The following TM6SF1 variants were observed in gnomAD, a reference collection of about 807,000 sequenced individuals.
The protein encoded by TM6SF1 is transmembrane 6 superfamily member 1.
A neutral mutation model predicts 47.1 loss-of-function variants in TM6SF1; 43 were observed. That is an observed-to-expected ratio of 0.91 (90% CI 0.72 to 1.18). The LOEUF (loss-of-function observed/expected upper bound fraction) is 1.18, where lower values mean the gene tolerates loss of function less well. Among genes scored for constraint, TM6SF1 ranks in the 50% most tolerant of loss-of-function variants. The pLI, the probability that TM6SF1 is intolerant of heterozygous loss-of-function variation, is 0.00. For synonymous variants in TM6SF1, 177 were observed against 166.3 expected (o/e 1.06, Z -0.49); for missense variants, 390 against 449.0 (o/e 0.87, Z 1.19).
At chr15:83,112,759 T>C (rs748296919) in intron 1 of TM6SF1, 38 bp from the exon 2 acceptor site, 3 of 1,456,468 alleles carry the variant, frequency 2.1e-6, no homozygotes, top group Non-Finnish European at 9.7e-7. Flanking sequence ...AATGTGTTTA[T>C]TTTGATAGTG....
intron 9 of TM6SF1, chr15:83,133,278 A>G (rs1164043817): frequency 6.6e-6 from 1 of 152,250 alleles, no homozygotes; most frequent in African/African-American, 2.4e-5. Flanking sequence ...GACCCTGGCT[A>G]TCATCCCAAT....
intron 6 of TM6SF1, among the ~76,000 whole-genome samples, chr15:83,123,795 C>T (rs2035481629): frequency 6.6e-6 from 1 of 152,212 alleles, no homozygotes; most frequent in African/African-American, 2.4e-5. Context: ...AGTGTGTCAA[C>T]AGAGTAGGTA....
chr15:83,128,997 A>G (rs1043365018), intron 9 of TM6SF1: 3 of 152,052 alleles, frequency 2.0e-5, no homozygotes, highest in African/African-American at 7.2e-5. Flanking sequence ...CACACAGCTA[A>G]TTTTTAAATT....
chr15:83,120,587 CTTTTTTTTTTT>C (rs993490763), intron 4 of TM6SF1, among the ~76,000 whole-genome samples: 1 of 125,958 alleles, frequency 7.9e-6, no homozygotes, highest in Non-Finnish European at 1.7e-5. Context: ...CCAGCTAATT[CTTTTTTTTTTT>C]TTTTTTTTTT....
Position 83,126,832 on chromosome 15 carries a change from T to TTA in TM6SF1, c.788_789dup (p.Pro264IlefsTer18). On this transcript the variant is annotated frameshift_variant, in exon 8 of 10. Transcript: ENST00000322019. LOFTEE classifies it high-confidence loss of function. ...AGCCCTATCTAAAGGATCCTGCTGC[T>TTA]TATCCTAAAATTCAGGTCAAGTAGT... 6.2e-7 allele frequency: 1 copy of TTA among 1,613,330 alleles called. No individual in the cohort carries two copies. Among genetic ancestry groups the TTA allele is most frequent in the Non-Finnish European group, 8.5e-7 (1 of 1,179,578 alleles).
intron 9 of TM6SF1, chr15:83,132,330 A>T (rs1455777665): frequency 6.6e-6 from 1 of 152,210 alleles, no homozygotes; most frequent in Non-Finnish European, 1.5e-5. Flanking sequence ...AATTACCAAG[A>T]AAACAAAGAA....
At chr15:83,123,935 T>A (rs1662125454) in intron 6 of TM6SF1, among the ~76,000 whole-genome samples, 1 of 151,498 alleles carries the variant, frequency 6.6e-6, no homozygotes, top group Non-Finnish European at 1.5e-5. Flanking sequence ...CAAAGCAATT[T>A]GGCAATGTTA....
chr15:83,121,271 G>A (rs2035222029), intron 4 of TM6SF1, among the ~76,000 whole-genome samples: 1 of 145,626 alleles, frequency 6.9e-6, no homozygotes, highest in Non-Finnish European at 1.5e-5. Flanking sequence ...TAGTAGAGAT[G>A]GCGTTTCACC....
Position 83,107,929 on chromosome 15 carries a change from G to A in TM6SF1, c.92+157G>A, listed in dbSNP as rs891857579. On this transcript the variant is annotated intron_variant, in intron 1 of 9. Coordinates refer to ENST00000322019, the MANE Select transcript of TM6SF1 (RefSeq NM_023003.5). The surrounding 1 kb of genome is among the most constrained non-coding windows in gnomAD (Gnocchi z 5.6). ...CTCCCCGCGCCTGGCCAGACTAGGG[G>A]GGCGCCCCAGGGGTCGCACGGGCCG... The A allele has an allele frequency of 1.8e-5, 23 of 1,278,864 alleles. No homozygotes were observed. The highest frequency in any genetic ancestry group is 2.2e-5 in the Non-Finnish European group (22 of 1,006,310). The allele number at this position is 1,278,864 out of a possible 1,614,324, so 79.2% of individuals were successfully genotyped here. A position where few individuals can be genotyped will look rare whatever the true frequency, so the allele number is the denominator to read the frequency against.
intron 4 of TM6SF1, 123 bp downstream of exon 4, chr15:83,119,804 A>T: frequency 6.7e-7 from 1 of 1,489,208 alleles, no homozygotes; most frequent in South Asian, 1.3e-5. Context: ...TATAAGTTCC[A>T]TGGGTGCACG....
At chr15:83,119,279 A>G (rs193040212) in intron 3 of TM6SF1, among the ~76,000 whole-genome samples, 1 of 152,346 alleles carries the variant, frequency 6.6e-6, no homozygotes, top group African/African-American at 2.4e-5. Context: ...AGTTTGCCAT[A>G]CAGCCAGGAT....
chr15:83,127,748 C>G (rs535305399), intron 9 of TM6SF1: 1 of 349,200 alleles, frequency 2.9e-6, no homozygotes, highest in South Asian at 2.8e-5. Flanking sequence ...GTTACACACC[C>G]AGCATGTGGC....
intron 1 of TM6SF1, among the ~76,000 whole-genome samples, chr15:83,109,300 T>C (rs538764113): frequency 1.3e-5 from 2 of 152,060 alleles, no homozygotes; most frequent in East Asian, 1.9e-4. Context: ...ATGGGCGTAG[T>C]AGGTATTTTG....
At chr15:83,126,685 T>G (rs1439543674) in intron 7 of TM6SF1, 70 bp from the exon 8 acceptor site, 1 of 1,287,272 alleles carries the variant, frequency 7.8e-7, no homozygotes, top group Non-Finnish European at 1.1e-6. Flanking sequence ...CCTGGCACAT[T>G]TAGCCTTATC....
chr15:83,130,632 T>A (rs529898595), intron 9 of TM6SF1: 10 of 152,360 alleles, frequency 6.6e-5, no homozygotes, highest in Admixed American at 2.6e-4. Context: ...CTTTAATATC[T>A]ACCCACTTAT....
In TM6SF1 at chr15:83,136,389, A is replaced by AATGTGCCTGAATG; in HGVS notation, c.922-91_922-90insTGTGCCTGAATGA. The AATGTGCCTGAATG allele has an allele frequency of 3.5e-6, 4 of 1,134,728 alleles. No homozygotes were observed. In the East Asian group the frequency reaches 1.0e-4, roughly 29 times the overall value. 70.3% of individuals were successfully genotyped at this position (1,134,728 alleles called of 1,614,324 possible). A position where few individuals can be genotyped will look rare whatever the true frequency, so the allele number is the denominator to read the frequency against. On this transcript the variant is annotated intron_variant, in intron 9 of 9. Coordinates refer to ENST00000322019, the MANE Select transcript of TM6SF1 (RefSeq NM_023003.5). Reference sequence around the variant, plus strand: ...GGTGAGACTGGTTTTGAGGGCACAGAAACGTAGCCTGAATGAACCATTCAG... The same window carrying AATGTGCCTGAATG: ...GGTGAGACTGGTTTTGAGGGCACAGAATGTGCCTGAATGAACGTAGCCTGAATGAACCATTCAG...
intron 6 of TM6SF1, among the ~76,000 whole-genome samples, chr15:83,124,392 TTTA>T (rs2035545633): frequency 6.6e-6 from 1 of 152,188 alleles, no homozygotes; most frequent in African/African-American, 2.4e-5. Context: ...ACCTTTAAAA[TTTA>T]TTATCATTAA....
intron 9 of TM6SF1, chr15:83,131,994 A>G (rs980328491): frequency 1.3e-5 from 2 of 152,226 alleles, no homozygotes; most frequent in Non-Finnish European, 2.9e-5. Flanking sequence ...ATAGTTAGGA[A>G]CATAAGCTCT....
intron 2 of TM6SF1, chr15:83,115,201 TC>T: frequency 3.4e-4 from 57 of 165,668 alleles, no homozygotes; most frequent in South Asian, 1.1e-3. Flanking sequence ...CACTGCAACC[TC>T]CGCCTCCTGG....
Sources: allele counts gnomAD v4.1 joint callset (sites outside exome capture counted in the v4.1 genomes callset), GRCh38; gene constraint gnomAD v4.1.1; non-coding constraint Gnocchi (gnomAD v3.1); transcripts MANE v1.5; gene names NCBI Gene and HGNC (gene_info 2026-07-23, HGNC 2026-07-21).